ZNF805: variants seen among roughly 807,000 people sequenced by gnomAD.
The protein encoded by ZNF805 is zinc finger protein 805, also known as CTC-444N24.8.
ZNF805 carries 7 observed loss-of-function variants against 13.6 expected under a neutral mutation model. That is an observed-to-expected ratio of 0.51 (90% confidence interval 0.29 to 0.97). ZNF805 has a LOEUF of 0.97. Among genes scored for constraint, ZNF805 ranks in the 50% least tolerant of loss-of-function variants. The probability of loss-of-function intolerance (pLI) is 0.08; values close to 1 mark genes in which losing one functional copy is unlikely to be tolerated. For synonymous variants in ZNF805, 293 were observed against 279.8 expected (o/e 1.05, Z -0.47); for missense variants, 604 against 771.0 (o/e 0.78, Z 2.57).
Position 57,260,662 on chromosome 19 carries a change from C to G in ZNF805, c.*5959C>G, listed in dbSNP as rs1261371340. 6.6e-6 allele frequency among the ~76,000 whole-genome samples: 1 copy of G among 152,288 alleles called. No homozygotes were observed. Among genetic ancestry groups the G allele is most frequent in the East Asian group, 1.9e-4 (1 of 5,170 alleles). ...TGCTGTTTTCTAACTTGTCCTTCAC[C>G]CCATGACTGAGTTAATTTGCGCTGA... On this transcript the variant is annotated 3_prime_UTR_variant, in exon 4 of 4. Transcript: ENST00000414468.
intron 3 of ZNF805, 128 bp from the exon 4 acceptor site, chr19:57,252,945 C>T: frequency 1.2e-6 from 1 of 831,694 alleles, no homozygotes; most frequent in Non-Finnish European, 1.7e-6. Flanking sequence ...ATCTGGGGTT[C>T]AAGATGGCAA....
intron 2 of ZNF805, 119 bp from the exon 3 acceptor site, chr19:57,248,486 A>T: frequency 1.1e-6 from 1 of 913,526 alleles, no homozygotes; most frequent in Non-Finnish European, 1.7e-6. Context: ...TTTTGTTCCC[A>T]TGGATGGGTG....
intron 1 of ZNF805, 86 bp downstream of exon 1, chr19:57,241,007 G>A (rs2122822033): frequency 7.0e-7 from 1 of 1,426,900 alleles, no homozygotes; most frequent in South Asian, 1.2e-5. Context: ...ACAGCCACAG[G>A]ATTCCTCTTT....
intron 3 of ZNF805, 77 bp downstream of exon 3, chr19:57,248,777 T>G: frequency 1.5e-6 from 2 of 1,306,714 alleles, no homozygotes; most frequent in Non-Finnish European, 2.2e-6. Context: ...CTGGGATCTC[T>G]TGGGAAGCTT....
At chr19:57,245,154 A>G (rs1431549374) in intron 2 of ZNF805, among the ~76,000 whole-genome samples, 2 of 152,088 alleles carry the variant, frequency 1.3e-5, no homozygotes, top group East Asian at 1.9e-4. Flanking sequence ...TCACCTTCAC[A>G]TCCTCTGATT....
In ZNF805 at chr19:57,244,199, C is replaced by CTTTT. The variant is rs1200854107; in HGVS notation, c.157+169_157+172dup. On this transcript the variant is annotated intron_variant, in intron 2 of 3. Coordinates refer to ENST00000414468, the MANE Select transcript of ZNF805 (RefSeq NM_001023563.4). ...CATTTTCTACAACACTCACCTCTTC[C>CTTTT]TTTTTTTTTTTTTTTTTTTTTTGAG... 215 of 291,278 alleles carry CTTTT rather than the reference C, an allele frequency of 7.4e-4. 1 individual carries two copies. Among genetic ancestry groups the CTTTT allele is most frequent in the African/African-American group, 2.0e-3 (48 of 24,058 alleles). The allele number at this position is 291,278 out of a possible 1,614,324, so 18.0% of individuals were successfully genotyped here. A position where few individuals can be genotyped will look rare whatever the true frequency, so the allele number is the denominator to read the frequency against.
rs1014320557 is a variant in ZNF805 at position 57,258,149 on chromosome 19, C to G, written c.*3446C>G. Among the ~76,000 whole-genome samples, 2 of 151,226 alleles carry G rather than the reference C, an allele frequency of 1.3e-5. No homozygotes were observed. The highest frequency in any genetic ancestry group is 4.9e-5 in the African/African-American group (2 of 41,130). The stretch of plus-strand genomic sequence containing the variant: ...TCCCAAGTAGCTGGGATTACAGGTG[C>G]CTGCCACCACACCTAGCTAATTTTT... On this transcript the variant is annotated 3_prime_UTR_variant, in exon 4 of 4. Transcript: ENST00000414468.
rs1396934549 is a variant in ZNF805, at chr19:57,253,822, A to T, written c.1003A>T (p.Ile335Phe). The change falls in exon 4 of 4, where the codon ATC becomes TTC. Residue 335 changes from isoleucine (I) to phenylalanine (F), a missense_variant. Transcript: ENST00000414468. This position sits in a 1 kb window ranked among gnomAD's most constrained non-coding sequence, Gnocchi z 4.4. ...TAGGCCAGGTTTCATTCGACACTAC[A>T]TCATCCACAGTGGTGAGAATCCCTA... ...RDRPGFIRHY[I>F]IHSGENPYEC... 5.6e-6 allele frequency: 9 copies of T among 1,614,096 alleles called. No homozygotes were observed. The highest frequency in any genetic ancestry group is 7.6e-6 in the Non-Finnish European group (9 of 1,180,004).
In ZNF805 at chr19:57,256,499, T is replaced by G. The variant is rs1303790471; in HGVS notation, c.*1796T>G. ...ATGCTTTTTAATTATGTATTTATTT[T>G]ATTTAATAGGTATAGAACTATTCAG... On this transcript the variant is annotated 3_prime_UTR_variant, in exon 4 of 4. Transcript: ENST00000414468. 1.3e-5 allele frequency among the ~76,000 whole-genome samples: 2 copies of G among 152,308 alleles called. No homozygotes were observed. Among genetic ancestry groups the G allele is most frequent in the East Asian group, 3.9e-4 (2 of 5,194 alleles).
intron 2 of ZNF805, among the ~76,000 whole-genome samples, chr19:57,247,656 C>A (rs2087627370): frequency 6.6e-6 from 1 of 152,202 alleles, no homozygotes; most frequent in Non-Finnish European, 1.5e-5. Context: ...GTACTATTAC[C>A]GTCGTCCTCA....
At chr19:57,248,483 C>G (rs2087632344) in intron 2 of ZNF805, 122 bp from the exon 3 acceptor site, 1 of 875,188 alleles carries the variant, frequency 1.1e-6, no homozygotes, top group Admixed American at 2.3e-5. Flanking sequence ...ACTTTTTGTT[C>G]CCATGGATGG....
Position 57,262,713 on chromosome 19 carries a change from T to C in ZNF805, c.*8010T>C, listed in dbSNP as rs965549812. 6.0e-6 allele frequency: 1 copy of C among 167,092 alleles called. No individual in the cohort carries two copies. Among genetic ancestry groups the C allele is most frequent in the African/African-American group, 2.4e-5 (1 of 41,426 alleles). 10.4% of individuals were successfully genotyped at this position (167,092 alleles called of 1,614,324 possible). On this transcript the variant is annotated 3_prime_UTR_variant, in exon 4 of 4. Coordinates refer to ENST00000414468, the MANE Select transcript of ZNF805 (RefSeq NM_001023563.4). The stretch of plus-strand genomic sequence containing the variant: ...GTGGATAATTTGAGATTAAAGAATA[T>C]GTTGTTGCAGGCTTAGTCACTTTGA...
In ZNF805 at chr19:57,259,656, G is replaced by A. The variant is rs1244973380; in HGVS notation, c.*4953G>A. On this transcript the variant is annotated 3_prime_UTR_variant, in exon 4 of 4. Coordinates refer to ENST00000414468, the MANE Select transcript of ZNF805 (RefSeq NM_001023563.4). ...CGAGTAGCTGGGACTACAGGTGCCCGCCACCATGCCCGGCTAATTTTTTGT... is the reference window on the plus strand; with the variant it reads ...CGAGTAGCTGGGACTACAGGTGCCCACCACCATGCCCGGCTAATTTTTTGT... 6.6e-6 allele frequency among the ~76,000 whole-genome samples: 1 copy of A among 151,998 alleles called. No individual in the cohort carries two copies. Among genetic ancestry groups the A allele is most frequent in the Admixed American group, 6.6e-5 (1 of 15,264 alleles).
intron 3 of ZNF805, among the ~76,000 whole-genome samples, chr19:57,249,617 T>C (rs1455791720): frequency 6.6e-6 from 1 of 152,092 alleles, no homozygotes; most frequent in African/African-American, 2.4e-5. Flanking sequence ...ATAGGGCCTT[T>C]CTTACTCTCC....
chr19:57,258,528 A>T lies in ZNF805; in HGVS notation c.*3825A>T, dbSNP rs1044386476. On this transcript the variant is annotated 3_prime_UTR_variant, in exon 4 of 4. Transcript: ENST00000414468. ...TATATTTCTTTGTATTTTTGTATTA[A>T]TTTTTTAGTGGTTGCTTTAAGTAGT... 6.1e-5 allele frequency among the ~76,000 whole-genome samples: 9 copies of T among 148,678 alleles called. No individual in the cohort carries two copies. The highest frequency in any genetic ancestry group is 8.9e-5 in the Non-Finnish European group (6 of 67,428).
intron 2 of ZNF805, among the ~76,000 whole-genome samples, chr19:57,244,759 C>T (rs2087601973): frequency 6.6e-6 from 1 of 152,134 alleles, no homozygotes; most frequent in Non-Finnish European, 1.5e-5. Flanking sequence ...TTTTTTCTGC[C>T]TCAGCGAGTT....
intron 2 of ZNF805, among the ~76,000 whole-genome samples, chr19:57,246,742 C>T (rs1053886518): frequency 4.0e-5 from 6 of 149,096 alleles, no homozygotes; most frequent in Non-Finnish European, 5.9e-5. Context: ...CGCTACTGCA[C>T]TCCAGCCTGA....
At chr19:57,245,651 T>TCAC in intron 2 of ZNF805, among the ~76,000 whole-genome samples, 1 of 148,580 alleles carries the variant, frequency 6.7e-6, no homozygotes, top group South Asian at 2.2e-4. Context: ...TGGTGGCGGG[T>TCAC]GCCTGTAGTC....
chr19:57,254,843 C>A lies in ZNF805; in HGVS notation c.*140C>A. 1 of 806,900 alleles carries A rather than the reference C, an allele frequency of 1.2e-6. No individual in the cohort carries two copies. Among genetic ancestry groups the A allele is most frequent in the Non-Finnish European group, 1.9e-6 (1 of 514,688 alleles). The allele number at this position is 806,900 out of a possible 1,614,324, so 50.0% of individuals were successfully genotyped here. The stretch of plus-strand genomic sequence containing the variant: ...ATTACGCACTTGGGAAAACCTTTAG[C>A]TCCATCTTTCTCATTAGTTTACAGT... On this transcript the variant is annotated 3_prime_UTR_variant, in exon 4 of 4. Coordinates refer to ENST00000414468, the MANE Select transcript of ZNF805 (RefSeq NM_001023563.4).
Sources: gnomAD v4.1 joint callset for allele counts (sites outside exome capture counted in the v4.1 genomes callset) on GRCh38, gnomAD v4.1.1 for gene constraint, Gnocchi (gnomAD v3.1) non-coding constraint, MANE v1.5 for transcripts, NCBI Gene and HGNC (gene_info 2026-07-23, HGNC 2026-07-21) for gene names.